Variants in MAD1L1 observed in about 807,000 individuals in gnomAD.
MAD1L1 encodes mitotic arrest deficient 1 like 1, also known as mitotic spindle assembly checkpoint protein MAD1.
MAD1L1 carries 95 observed loss-of-function variants against 96.9 expected under a neutral mutation model. The observed-to-expected ratio is 0.98, with a 90% confidence interval of 0.83 to 1.16. The LOEUF (loss-of-function observed/expected upper bound fraction) is 1.16, where lower values mean the gene tolerates loss of function less well. MAD1L1 is among the 50% of genes most tolerant of loss of function. The probability of loss-of-function intolerance (pLI) is 0.00; values close to 1 mark genes in which losing one functional copy is unlikely to be tolerated. For synonymous variants in MAD1L1, 473 were observed against 396.6 expected (o/e 1.19, Z -2.29); for missense variants, 1,007 against 954.4 (o/e 1.06, Z -0.73).
At chr7:2,009,149 C>T (rs189689824) in intron 13 of MAD1L1, among the ~76,000 whole-genome samples, 261 of 152,320 alleles carry the variant, frequency 1.7e-3, no homozygotes, top group Non-Finnish European at 2.9e-3. Context: ...TGCTGAGACA[C>T]GAGCCCCGGG....
At chr7:2,207,111 A>T (rs545543048) in intron 10 of MAD1L1, among the ~76,000 whole-genome samples, 4 of 152,020 alleles carry the variant, frequency 2.6e-5, no homozygotes, top group Middle Eastern at 6.9e-3. Context: ...TTTAGAGATC[A>T]GTTCATCAAT....
intron 18 of MAD1L1, among the ~76,000 whole-genome samples, chr7:1,877,093 C>T (rs1050984828): frequency 2.9e-4 from 44 of 151,104 alleles, no homozygotes; most frequent in African/African-American, 1.0e-3. Context: ...GTAAAAATTA[C>T]ATAAAAAGAA....
At chr7:2,027,949 T>C (rs1016166679) in intron 12 of MAD1L1, among the ~76,000 whole-genome samples, 3 of 152,174 alleles carry the variant, frequency 2.0e-5, no homozygotes, top group Admixed American at 6.5e-5. Flanking sequence ...GAAAAGTCAA[T>C]ATAATCTACA....
intron 18 of MAD1L1, among the ~76,000 whole-genome samples, chr7:1,884,361 T>A (rs935783773): frequency 6.6e-6 from 1 of 152,078 alleles, no homozygotes; most frequent in African/African-American, 2.4e-5. Flanking sequence ...AGCCACCAGC[T>A]CCCCTGCCTC....
chr7:2,123,660 T>C (rs1044369596), intron 11 of MAD1L1, among the ~76,000 whole-genome samples: 2 of 152,156 alleles, frequency 1.3e-5, no homozygotes, highest in East Asian at 3.9e-4. Context: ...CACGGGGACA[T>C]GCGATACCAG....
At chr7:1,987,437 G>A (rs1157808140) in intron 14 of MAD1L1, among the ~76,000 whole-genome samples, 1 of 152,210 alleles carries the variant, frequency 6.6e-6, no homozygotes, top group African/African-American at 2.4e-5. Context: ...ACTGGGGCGG[G>A]TCTAAGTATC....
intron 17 of MAD1L1, among the ~76,000 whole-genome samples, chr7:1,903,068 G>A (rs1308084530): frequency 6.6e-6 from 1 of 150,918 alleles, no homozygotes; most frequent in Non-Finnish European, 1.5e-5. Flanking sequence ...CACTCTTGTG[G>A]AATTCATGAT....
chr7:2,211,374 G>A (rs1162753576), intron 10 of MAD1L1, among the ~76,000 whole-genome samples: 2 of 152,222 alleles, frequency 1.3e-5, no homozygotes, highest in African/African-American at 2.4e-5. Context: ...GAACAGGGCT[G>A]AAAGGATCCA....
chr7:2,031,103 T>C (rs906532032), intron 12 of MAD1L1, among the ~76,000 whole-genome samples: 1 of 152,166 alleles, frequency 6.6e-6, no homozygotes, highest in East Asian at 1.9e-4. Context: ...CTGTGCATTC[T>C]CCATGAACTG....
chr7:2,089,302 C>G (rs555007624), intron 11 of MAD1L1: 3 of 152,374 alleles, frequency 2.0e-5, no homozygotes, highest in East Asian at 3.9e-4. Context: ...GGGGAGGTAA[C>G]TGAATCATGG....
intron 12 of MAD1L1, among the ~76,000 whole-genome samples, chr7:2,049,907 C>T: frequency 6.6e-6 from 1 of 151,336 alleles, no homozygotes; most frequent in South Asian, 2.1e-4. Context: ...CAGGGCACCT[C>T]ACCCAACATC....
intron 11 of MAD1L1, among the ~76,000 whole-genome samples, chr7:2,124,519 A>G (rs749823283): frequency 6.6e-6 from 1 of 152,196 alleles, no homozygotes; most frequent in Non-Finnish European, 1.5e-5. Context: ...GCCGGCCTGC[A>G]TGTGGCCCAC....
chr7:2,155,053 G>A (rs980586771), intron 10 of MAD1L1, among the ~76,000 whole-genome samples: 29 of 152,324 alleles, frequency 1.9e-4, no homozygotes, highest in Admixed American at 1.2e-3. Flanking sequence ...AGGCTTGCAC[G>A]GAGAAGCAGC....
intron 10 of MAD1L1, among the ~76,000 whole-genome samples, chr7:2,194,991 G>A (rs558154497): frequency 6.6e-6 from 1 of 152,228 alleles, no homozygotes; most frequent in South Asian, 2.1e-4. Flanking sequence ...GGGAGGCTGA[G>A]GCAGGAGAAT....
chr7:2,187,986 A>T (rs1791539752), intron 10 of MAD1L1, among the ~76,000 whole-genome samples: 1 of 152,228 alleles, frequency 6.6e-6, no homozygotes. Context: ...CACAAGCTTG[A>T]TGGATTCCTA....
At chr7:1,938,805 GCACACACACACA>G (rs1391795863) in intron 16 of MAD1L1, among the ~76,000 whole-genome samples, 1 of 113,764 alleles carries the variant, frequency 8.8e-6, no homozygotes, top group Non-Finnish European at 1.7e-5. Flanking sequence ...GACCAGAGGC[GCACACACACACA>G]CGGGCCAGGG....
chr7:2,001,092 G>A (rs1488557971), intron 14 of MAD1L1, among the ~76,000 whole-genome samples: 1 of 152,236 alleles, frequency 6.6e-6, no homozygotes, highest in African/African-American at 2.4e-5. Context: ...GCACACCCCT[G>A]CCGGGTGGAG....
chr7:2,153,091 G>C lies in MAD1L1; in HGVS notation c.987-3853C>G, dbSNP rs112073393. On this transcript the variant is annotated intron_variant, in intron 10 of 18. Transcript: ENST00000265854. ...ACCCAAAAATATAAAAAATACTAAA[G>C]AAAACAAGGAAAACACTTCAGGACA... 7.3e-3 allele frequency among the ~76,000 whole-genome samples: 1,103 copies of C among 152,068 alleles called. 4 individuals are homozygous for C. The highest frequency in any genetic ancestry group is 0.02 in the Middle Eastern group (6 of 294).
chr7:1,961,440 A>T (rs1293153995), intron 15 of MAD1L1, among the ~76,000 whole-genome samples: 1 of 152,218 alleles, frequency 6.6e-6, no homozygotes, highest in African/African-American at 2.4e-5. Flanking sequence ...CACAAACACA[A>T]CCAATTTTTG....
Sources: allele counts gnomAD v4.1 joint callset (sites outside exome capture counted in the v4.1 genomes callset), GRCh38; gene constraint gnomAD v4.1.1; transcripts MANE v1.5; gene names NCBI Gene and HGNC (gene_info 2026-07-23, HGNC 2026-07-21).